IFT81: variants seen among roughly 807,000 people sequenced by gnomAD.
IFT81 encodes the protein intraflagellar transport protein 81 homolog.
Under a neutral mutation model 102.6 loss-of-function variants are expected in IFT81, and 72 were observed. The observed-to-expected ratio is 0.70, with a 90% CI of 0.58 to 0.85. The LOEUF is 0.85. Among genes scored for constraint, IFT81 ranks in the 40% least tolerant of loss-of-function variants. The probability of loss-of-function intolerance (pLI) is 0.00; values close to 1 mark genes in which losing one functional copy is unlikely to be tolerated. For synonymous variants in IFT81, 237 were observed against 242.7 expected (o/e 0.98, Z 0.22); for missense variants, 723 against 787.3 (o/e 0.92, Z 0.98).
chr12:110,167,151 T>A (rs1896481234), intron 11 of IFT81, among the ~76,000 whole-genome samples: 1 of 152,166 alleles, frequency 6.6e-6, no homozygotes, highest in African/African-American at 2.4e-5. Flanking sequence ...CTACAGATAT[T>A]TTTTTCTTTA....
chr12:110,133,626 CA>C (rs1477725991), intron 5 of IFT81, among the ~76,000 whole-genome samples: 2 of 149,856 alleles, frequency 1.3e-5, no homozygotes. Flanking sequence ...GAACTTGTCT[CA>C]AAAAAAAAGA....
intron 12 of IFT81, among the ~76,000 whole-genome samples, chr12:110,189,357 T>A (rs1177044909): frequency 1.3e-5 from 2 of 152,008 alleles, no homozygotes; most frequent in Non-Finnish European, 2.9e-5. Context: ...TATTTATTTA[T>A]TTATTTTTTG....
At chr12:110,130,365 C>CT (rs557142989) in intron 4 of IFT81, among the ~76,000 whole-genome samples, 37,525 of 139,072 alleles carry the variant, frequency 0.27, 5,239 homozygotes, top group Admixed American at 0.35. Flanking sequence ...TTGATTAAGT[C>CT]TTTTTTTTTT....
chr12:110,185,042 G>A (rs1169804386), intron 12 of IFT81, among the ~76,000 whole-genome samples: 4 of 152,276 alleles, frequency 2.6e-5, no homozygotes, highest in East Asian at 1.9e-4. Context: ...TAATTGCACT[G>A]CTGCAACATG....
Position 110,146,982 on chromosome 12 carries a change from G to T in IFT81, c.975G>T (p.Gln325His). The change falls in exon 10 of 19, where the codon CAG (glutamine) becomes CAT (histidine). Residue 325 changes from glutamine (Q) to histidine (H), a missense_variant. Coordinates refer to ENST00000242591, the MANE Select transcript of IFT81 (RefSeq NM_014055.4). ...KINEINTEIN[Q>H]LIEKKMMRNE... ...ATGAAATAAACACAGAAATTAACCA[G>T]TTGATTGAAAAGAAAATGATGAGAA... is the stretch of plus-strand genomic sequence containing the variant. The T allele has an allele frequency of 6.2e-7, 1 of 1,609,714 alleles. No homozygotes were observed. The highest frequency in any genetic ancestry group is 1.3e-5 in the African/African-American group (1 of 74,716).
chr12:110,171,568 A>G (rs1055067871), intron 11 of IFT81, among the ~76,000 whole-genome samples: 10 of 152,216 alleles, frequency 6.6e-5, no homozygotes, highest in African/African-American at 2.4e-4. Context: ...TTTCTAATTT[A>G]CAGTTGAAAA....
chr12:110,127,060 G>C (rs1421594466), intron 1 of IFT81, among the ~76,000 whole-genome samples: 3 of 152,158 alleles, frequency 2.0e-5, no homozygotes, highest in African/African-American at 7.2e-5. Flanking sequence ...ACCGGTATGG[G>C]AGAGATGTTA....
At position 110,205,412 on chromosome 12, in the gene IFT81, A is replaced by G. The variant is rs755143432; in HGVS notation, c.1645-31A>G. 4.5e-6 allele frequency: 7 copies of G among 1,559,266 alleles called. No homozygotes were observed. The South Asian group carries it at 8.6e-5, about 19-fold the overall frequency. ...GCCATATCTGTCTCATTCTTTCGAT[A>G]ATGTCACCTATCTAAAATTATATAT... On this transcript the variant is annotated intron_variant, in intron 15 of 18. Coordinates refer to ENST00000242591, the MANE Select transcript of IFT81 (RefSeq NM_014055.4).
At chr12:110,126,621 G>A (rs1342724162) in intron 1 of IFT81, among the ~76,000 whole-genome samples, 1 of 152,206 alleles carries the variant, frequency 6.6e-6, no homozygotes, top group Non-Finnish European at 1.5e-5. Context: ...AAGTTGGAAA[G>A]GGATAAGTTG....
intron 18 of IFT81, among the ~76,000 whole-genome samples, 184 bp downstream of exon 18, chr12:110,209,400 T>C (rs976316263): frequency 1.3e-5 from 2 of 152,180 alleles, no homozygotes; most frequent in Non-Finnish European, 2.9e-5. Context: ...AAAGTCACGA[T>C]GGATTTTTGA....
At chr12:110,211,891 G>T (rs1869498020) in intron 18 of IFT81, among the ~76,000 whole-genome samples, 1 of 151,980 alleles carries the variant, frequency 6.6e-6, no homozygotes, top group Non-Finnish European at 1.5e-5. Flanking sequence ...GACTATATAT[G>T]GATGTCTAAT....
chr12:110,187,910 A>G (rs1897609662), intron 12 of IFT81, among the ~76,000 whole-genome samples: 1 of 152,248 alleles, frequency 6.6e-6, no homozygotes, highest in Non-Finnish European at 1.5e-5. Context: ...TAAGGAGTAG[A>G]CCTTCTAGGT....
rs1476025877 is a variant in IFT81, at chr12:110,217,716, C to T, written c.1849-328C>T. ...AGCTGGGACTACAGGCGCGTGCCCC[C>T]ATGCCTGGCTAATTTTTTTTTGTAT... On this transcript the variant is annotated intron_variant, in intron 18 of 18. Coordinates refer to ENST00000242591, the MANE Select transcript of IFT81 (RefSeq NM_014055.4). 2.0e-5 allele frequency among the ~76,000 whole-genome samples: 3 copies of T among 152,060 alleles called. No homozygotes were observed. The South Asian group carries it at 6.2e-4, about 32-fold the overall frequency.
chr12:110,148,257 G>A (rs530061886), intron 10 of IFT81, among the ~76,000 whole-genome samples: 13 of 151,132 alleles, frequency 8.6e-5, no homozygotes, highest in Non-Finnish European at 1.8e-4. Flanking sequence ...TTTGTTTCCC[G>A]TATTTCCTAT....
chr12:110,134,234 T>C (rs141155504), intron 5 of IFT81, among the ~76,000 whole-genome samples: 39 of 152,306 alleles, frequency 2.6e-4, no homozygotes, highest in African/African-American at 8.4e-4. Context: ...ACTTTTGATA[T>C]TGTTCTTCAG....
intron 11 of IFT81, among the ~76,000 whole-genome samples, chr12:110,170,237 G>A (rs941711084): frequency 6.6e-6 from 1 of 152,212 alleles, no homozygotes; most frequent in Non-Finnish European, 1.5e-5. Context: ...ACAGGCGTAA[G>A]CCACTGTGCC....
At chr12:110,146,146 G>A (rs748241999) in intron 9 of IFT81, among the ~76,000 whole-genome samples, 1 of 152,158 alleles carries the variant, frequency 6.6e-6, no homozygotes, top group Non-Finnish European at 1.5e-5. Context: ...CAGAATTAGG[G>A]TTAGGGTTAG....
At chr12:110,180,618 G>A (rs1260118150) in intron 12 of IFT81, 47 bp downstream of exon 12, 1 of 1,448,390 alleles carries the variant, frequency 6.9e-7, no homozygotes, top group Non-Finnish European at 9.5e-7. Flanking sequence ...ATGCCAGGAG[G>A]TTTATGGGTT....
At chr12:110,138,374 T>C (rs1359686325) in intron 8 of IFT81, among the ~76,000 whole-genome samples, 1 of 152,062 alleles carries the variant, frequency 6.6e-6, no homozygotes, top group East Asian at 1.9e-4. Flanking sequence ...AGTATGACAG[T>C]ATAATTTGTC....
Sources: allele counts gnomAD v4.1 joint callset (sites outside exome capture counted in the v4.1 genomes callset), GRCh38; gene constraint gnomAD v4.1.1; transcripts MANE v1.5; gene names NCBI Gene and HGNC (gene_info 2026-07-23, HGNC 2026-07-21).